The following SARAF variants were observed in gnomAD, a reference collection of about 807,000 sequenced individuals.
SARAF encodes store-operated calcium entry associated regulatory factor, also known as store-operated calcium entry-associated regulatory factor.
In SARAF, 23 loss-of-function variants were observed where a neutral mutation model predicts 39.7. The ratio of observed to expected loss-of-function variants is 0.58; its 90% CI spans 0.42 to 0.82. The LOEUF (loss-of-function observed/expected upper bound fraction) is 0.82. Among genes scored for constraint, SARAF ranks in the 40% least tolerant of loss-of-function variants. The pLI is 0.00. For missense variants in SARAF, 384 were observed against 418.5 expected (o/e 0.92, Z 0.72); for synonymous variants, 175 against 168.5 (o/e 1.04, Z -0.30).
rs752776657 is a variant in SARAF, at chr8:30,066,089, G to C, written c.893C>G (p.Ser298Cys). The C allele has an allele frequency of 2.5e-6, 4 of 1,614,182 alleles. No homozygotes were observed. Among genetic ancestry groups the C allele is most frequent in the Non-Finnish European group, 3.4e-6 (4 of 1,180,034 alleles). The stretch of plus-strand genomic sequence containing the variant: ...AGCCCTATTCCACGTGCCAGGGTAG[G>C]AGGGAGGATAGGACGGGTAGTACCA... ...DSWYYPSYPP[S>C]YPGTWNRAYS... Residue 298 changes from serine (S) to cysteine (C), a missense_variant, in exon 5 of 6, where the codon TCC becomes TGC. Coordinates refer to ENST00000256255, the MANE Select transcript of SARAF (RefSeq NM_016127.6).
chr8:30,065,877 G>C lies in SARAF; in HGVS notation c.994+111C>G, dbSNP rs1252845530. On this transcript the variant is annotated intron_variant, in intron 5 of 5. Transcript: ENST00000256255. ...AACTGTGCTATTAATATTTTTGGTAGGTACACCAAATAAAACCATGGTTGC... is the reference window on the plus strand; with the variant it reads ...AACTGTGCTATTAATATTTTTGGTACGTACACCAAATAAAACCATGGTTGC... The C allele has an allele frequency of 3.2e-6, 4 of 1,242,930 alleles. No homozygotes were observed. In the African/African-American group the frequency reaches 5.9e-5, roughly 18 times the overall value. The allele number at this position is 1,242,930 out of a possible 1,614,324, so 77.0% of individuals were successfully genotyped here.
chr8:30,074,625 C>T (rs188015533), intron 1 of SARAF, among the ~76,000 whole-genome samples: 96 of 152,224 alleles, frequency 6.3e-4, no homozygotes, highest in Middle Eastern at 6.8e-3. Flanking sequence ...AACAGTACTA[C>T]ATACTGTTAA....
chr8:30,078,060 A>C (rs537275320), intron 1 of SARAF, among the ~76,000 whole-genome samples: 67 of 146,798 alleles, frequency 4.6e-4, no homozygotes, highest in Non-Finnish European at 7.6e-4. Context: ...GAATCGCTTG[A>C]ACCCGGGAAG....
chr8:30,073,359 C>T (rs953408472), intron 2 of SARAF, among the ~76,000 whole-genome samples: 1 of 152,152 alleles, frequency 6.6e-6, no homozygotes, highest in Non-Finnish European at 1.5e-5. Context: ...ATGCTCTGCT[C>T]GTATACAAAA....
chr8:30,082,814 A>G, intron 1 of SARAF, 33 bp downstream of exon 1: 2 of 1,417,750 alleles, frequency 1.4e-6, no homozygotes, highest in South Asian at 2.7e-5. Context: ...GAAAAGGGCG[A>G]ACGAAGCGCC....
intron 2 of SARAF, among the ~76,000 whole-genome samples, chr8:30,071,066 C>T (rs77741267): frequency 0.1 from 15,923 of 152,164 alleles, 902 homozygotes; most frequent in East Asian, 0.21. Context: ...AAAGGCCAGG[C>T]GCGGTGGTTC....
chr8:30,078,129 G>A (rs769705551), intron 1 of SARAF: 3 of 292,216 alleles, frequency 1.0e-5, no homozygotes, highest in African/African-American at 4.1e-5. Context: ...GACAGAGCTA[G>A]ACTCCGTCTC....
chr8:30,082,090 C>A (rs537066750), intron 1 of SARAF: 1 of 152,308 alleles, frequency 6.6e-6, no homozygotes, highest in South Asian at 2.1e-4. Context: ...GTAATCCCAG[C>A]ACTTTGGGAG....
In SARAF at chr8:30,075,981, T is replaced by TAAAAAAAAAAAAAAAAAAAA. The variant is rs1491525634; in HGVS notation, c.104-1927_104-1926insTTTTTTTTTTTTTTTTTTTT. Among the ~76,000 whole-genome samples the TAAAAAAAAAAAAAAAAAAAA allele has an allele frequency of 5.4e-4, 4 of 7,378 alleles. 2 individuals carry two copies. Among genetic ancestry groups the TAAAAAAAAAAAAAAAAAAAA allele is most frequent in the Non-Finnish European group, 1.6e-3 (4 of 2,474 alleles). The allele number at this position is 7,378 out of a possible 152,430, so 4.8% of individuals were successfully genotyped here. A position where few individuals can be genotyped will look rare whatever the true frequency, so the allele number is the denominator to read the frequency against. The stretch of plus-strand genomic sequence containing the variant: ...AACCTGATGTACATAACAGAATCCC[T>TAAAAAAAAAAAAAAAAAAAA]AAAAAAAAACAAAAAAAAAAAAACA... On this transcript the variant is annotated intron_variant, in intron 1 of 5. Coordinates refer to ENST00000256255, the MANE Select transcript of SARAF (RefSeq NM_016127.6).
chr8:30,064,563 T>TA (rs1801638585), intron 5 of SARAF, among the ~76,000 whole-genome samples: 3 of 82,200 alleles, frequency 3.6e-5, no homozygotes, highest in African/African-American at 1.6e-4. Context: ...ATATATATAT[T>TA]TTTTTTTTTT....
intron 1 of SARAF, chr8:30,078,335 G>T (rs1802021902): frequency 2.4e-6 from 1 of 422,888 alleles, no homozygotes; most frequent in Non-Finnish European, 4.6e-6. Flanking sequence ...TGAAGGACTT[G>T]AGTTGTCATA....
chr8:30,069,467 T>C (rs935092195), intron 3 of SARAF, among the ~76,000 whole-genome samples, 175 bp downstream of exon 3: 2 of 151,720 alleles, frequency 1.3e-5, no homozygotes, highest in Admixed American at 1.3e-4. Context: ...GCAACCACAA[T>C]ATACCTTGGG....
At position 30,063,281 on chromosome 8, in the gene SARAF, CACA is replaced by C. The variant is rs1394282302; in HGVS notation, c.*604_*606del. 6.6e-6 allele frequency: 1 copy of C among 152,298 alleles called. No individual in the cohort carries two copies. The highest frequency in any genetic ancestry group is 2.4e-5 in the African/African-American group (1 of 41,428). 9.4% of individuals were successfully genotyped at this position (152,298 alleles called of 1,614,324 possible). A position where few individuals can be genotyped will look rare whatever the true frequency, so the allele number is the denominator to read the frequency against. ...GCATTTTTGCCAGCACAGAGTCATT[CACA>C]ACAACCTTCTAGATGCTTATTTTCT... is the stretch of plus-strand genomic sequence containing the variant. On this transcript the variant is annotated 3_prime_UTR_variant, in exon 6 of 6. Transcript: ENST00000256255.
chr8:30,080,738 G>A (rs972590875), intron 1 of SARAF, among the ~76,000 whole-genome samples: 1 of 152,190 alleles, frequency 6.6e-6, no homozygotes, highest in Admixed American at 6.5e-5. Flanking sequence ...CTCAATGTGA[G>A]CTAAAGTAAT....
At chr8:30,066,214 C>T (rs1195591862) in intron 4 of SARAF, 75 bp from the exon 5 acceptor site, 1 of 1,447,040 alleles carries the variant, frequency 6.9e-7, no homozygotes, top group Non-Finnish European at 9.4e-7. Flanking sequence ...TGTTCCTAAA[C>T]TGTCAGAAAA....
At chr8:30,069,617 T>A in intron 3 of SARAF, 25 bp downstream of exon 3, 1 of 1,541,238 alleles carries the variant, frequency 6.5e-7, no homozygotes, top group South Asian at 1.1e-5. Flanking sequence ...CCGCTCTATT[T>A]ATGGCCACTG....
At chr8:30,082,678 G>C in intron 1 of SARAF, 169 bp downstream of exon 1, 1 of 536,502 alleles carries the variant, frequency 1.9e-6, no homozygotes, top group East Asian at 3.5e-5. Context: ...AAGACGCCTG[G>C]GAAGAGCAGT....
At position 30,065,910 on chromosome 8, in the gene SARAF, A is replaced by G. The variant is rs755081351; in HGVS notation, c.994+78T>C. On this transcript the variant is annotated intron_variant, in intron 5 of 5. Transcript: ENST00000256255. Reference sequence around the variant, plus strand: ...AAATAAAACCATGGTTGCTAAACAGATAATCATCTTCTAAAGTTCCCAAAC... The same window carrying G: ...AAATAAAACCATGGTTGCTAAACAGGTAATCATCTTCTAAAGTTCCCAAAC... 6 of 1,530,436 alleles carry G rather than the reference A, an allele frequency of 3.9e-6. No individual in the cohort carries two copies. In the East Asian group the frequency reaches 1.3e-4, roughly 34 times the overall value. The allele number at this position is 1,530,436 out of a possible 1,614,324, so 94.8% of individuals were successfully genotyped here.
chr8:30,068,459 T>C (rs938594146), intron 3 of SARAF, among the ~76,000 whole-genome samples: 5 of 152,214 alleles, frequency 3.3e-5, no homozygotes, highest in Admixed American at 2.0e-4. Context: ...CTACATTACA[T>C]GAGTTGTTAA....
Sources: allele counts gnomAD v4.1 joint callset (sites outside exome capture counted in the v4.1 genomes callset), GRCh38; gene constraint gnomAD v4.1.1; transcripts MANE v1.5; gene names NCBI Gene and HGNC (gene_info 2026-07-23, HGNC 2026-07-21).